The following MAGI2 variants were observed in gnomAD, a reference collection of about 807,000 sequenced individuals.
MAGI2 encodes the protein membrane associated guanylate kinase, WW and PDZ domain containing 2, also known as membrane-associated guanylate kinase, WW and PDZ domain-containing protein 2.
In MAGI2, 35 loss-of-function variants were observed where a neutral mutation model predicts 133.3. That is an observed-to-expected ratio of 0.26 (90% CI 0.20 to 0.35). The LOEUF (loss-of-function observed/expected upper bound fraction) is 0.35. MAGI2 is among the 10% of genes least tolerant of loss of function. MAGI2 has a pLI of 1.00. For missense variants in MAGI2, 1,636 were observed against 1,863.4 expected, an observed-to-expected ratio of 0.88 and a Z score of 2.25; for synonymous variants, 729 against 710.6, an observed-to-expected ratio of 1.03 and a Z score of -0.41.
intron 3 of MAGI2, among the ~76,000 whole-genome samples, chr7:78,536,759 GT>G (rs55740303): frequency 0.018 from 2,250 of 122,300 alleles, 15 homozygotes; most frequent in Non-Finnish European, 0.025. Context: ...TTTTGTTGTT[GT>G]TTTTTTTTTT....
chr7:79,035,393 C>G (rs1811033896), intron 1 of MAGI2, among the ~76,000 whole-genome samples: 1 of 152,106 alleles, frequency 6.6e-6, no homozygotes, highest in Non-Finnish European at 1.5e-5. Flanking sequence ...GATTGTGGAA[C>G]TGGGTTTATC....
chr7:78,060,991 C>A (rs1039497967), intron 21 of MAGI2, among the ~76,000 whole-genome samples: 1 of 151,888 alleles, frequency 6.6e-6, no homozygotes, highest in Non-Finnish European at 1.5e-5. Context: ...CATGGTGAAA[C>A]CCTGTCTCTA....
At chr7:78,253,528 C>CAAAT (rs35558376) in intron 10 of MAGI2, 83,534 of 151,446 alleles carry the variant, frequency 0.55, 25,398 homozygotes, top group African/African-American at 0.8. Context: ...GTATGTAAAA[C>CAAAT]ACCAAATAAC....
intron 2 of MAGI2, among the ~76,000 whole-genome samples, chr7:78,674,033 C>T (rs1309627204): frequency 6.6e-6 from 1 of 152,046 alleles, no homozygotes; most frequent in Non-Finnish European, 1.5e-5. Context: ...ACAAATGACC[C>T]ACTGGCTTAA....
At chr7:79,105,367 A>T (rs528256424) in intron 1 of MAGI2, among the ~76,000 whole-genome samples, 11 of 152,246 alleles carry the variant, frequency 7.2e-5, no homozygotes, top group Admixed American at 4.6e-4. Flanking sequence ...TATTAAACAG[A>T]TAGAAAAGGT....
chr7:79,378,270 A>G (rs1446448277), intron 1 of MAGI2, among the ~76,000 whole-genome samples: 1 of 151,878 alleles, frequency 6.6e-6, no homozygotes, highest in African/African-American at 2.4e-5. Context: ...CAATAATATC[A>G]AGGACTTATA....
intron 1 of MAGI2, among the ~76,000 whole-genome samples, chr7:79,405,598 G>A (rs533546417): frequency 5.5e-4 from 83 of 152,110 alleles, no homozygotes; most frequent in Non-Finnish European, 8.5e-4. Context: ...AAGAGTGCTA[G>A]TATGTTTCTT....
intron 2 of MAGI2, among the ~76,000 whole-genome samples, chr7:78,732,318 T>C (rs1821442990): frequency 6.6e-6 from 1 of 152,130 alleles, no homozygotes; most frequent in Non-Finnish European, 1.5e-5. Flanking sequence ...GAGGACAGAT[T>C]TCCAAACTAA....
intron 17 of MAGI2, 59 bp downstream of exon 17, chr7:78,134,962 A>C (rs1563165964): frequency 6.7e-7 from 1 of 1,498,004 alleles, no homozygotes; most frequent in Non-Finnish European, 9.2e-7. Context: ...GGCTGAGAAC[A>C]CCCGGTGAGT....
At chr7:78,232,154 AT>A (rs1790045805) in intron 10 of MAGI2, among the ~76,000 whole-genome samples, 1 of 152,208 alleles carries the variant, frequency 6.6e-6, no homozygotes, top group Admixed American at 6.5e-5. Context: ...AGGCAAACTC[AT>A]TAATTTAATA....
chr7:78,555,243 T>C (rs1259860188), intron 3 of MAGI2, among the ~76,000 whole-genome samples: 26 of 148,234 alleles, frequency 1.8e-4, no homozygotes, highest in Non-Finnish European at 2.9e-4. Context: ...GATAGATAGA[T>C]AGATAGGTTT....
chr7:78,115,142 A>G (rs3807723), intron 20 of MAGI2, among the ~76,000 whole-genome samples: 43,213 of 152,110 alleles, frequency 0.28, 6,645 homozygotes, highest in Non-Finnish European at 0.36. Flanking sequence ...GGCAGCTTGT[A>G]GCCAGAAAAT....
At chr7:78,141,370 C>T (rs1437441324) in intron 16 of MAGI2, among the ~76,000 whole-genome samples, 2 of 152,102 alleles carry the variant, frequency 1.3e-5, no homozygotes, top group African/African-American at 4.8e-5. Context: ...TCGCTGCTTC[C>T]TAAAAATTCT....
intron 21 of MAGI2, among the ~76,000 whole-genome samples, chr7:78,053,229 C>T (rs553046582): frequency 7.9e-5 from 12 of 152,306 alleles, no homozygotes; most frequent in African/African-American, 2.9e-4. Flanking sequence ...GCAGTAGGAA[C>T]GTTTTCAAAA....
Position 78,688,405 on chromosome 7 carries a change from C to T in MAGI2, c.419-61166G>A, listed in dbSNP as rs575316947. 2.6e-5 allele frequency among the ~76,000 whole-genome samples: 4 copies of T among 152,150 alleles called. No homozygotes were observed. In the East Asian group the frequency reaches 7.7e-4, roughly 29 times the overall value. ...CAAGTTCTTATTAAATACTATGTTT[C>T]AATATGTTTAGTTCTGGCAGGCTTA... On this transcript the variant is annotated intron_variant, in intron 2 of 21. Transcript: ENST00000354212.
chr7:78,386,771 A>G, intron 6 of MAGI2, among the ~76,000 whole-genome samples: 1 of 152,212 alleles, frequency 6.6e-6, no homozygotes, highest in Non-Finnish European at 1.5e-5. Context: ...TGCAAACACG[A>G]AAACTATTCA....
intron 1 of MAGI2, among the ~76,000 whole-genome samples, chr7:79,230,577 G>C (rs978284444): frequency 7.9e-5 from 12 of 151,282 alleles, no homozygotes; most frequent in Non-Finnish European, 1.8e-4. Flanking sequence ...TTTTTTGGCT[G>C]CATAAATGTC....
At chr7:79,226,060 G>T (rs1208555812) in intron 1 of MAGI2, among the ~76,000 whole-genome samples, 1 of 152,082 alleles carries the variant, frequency 6.6e-6, no homozygotes, top group Admixed American at 6.5e-5. Context: ...TCAGGCATTA[G>T]GCCACTGAAA....
intron 3 of MAGI2, among the ~76,000 whole-genome samples, chr7:78,524,135 G>A (rs560785430): frequency 6.4e-4 from 97 of 152,238 alleles, no homozygotes; most frequent in African/African-American, 2.2e-3. Flanking sequence ...GGAAGCAGAA[G>A]AGATGTGCAC....
Sources: gnomAD v4.1 joint callset for allele counts (sites outside exome capture counted in the v4.1 genomes callset) on GRCh38, gnomAD v4.1.1 for gene constraint, MANE v1.5 for transcripts, NCBI Gene and HGNC (gene_info 2026-07-23, HGNC 2026-07-21) for gene names.